The following ENTREP2 variants were observed in gnomAD, a reference collection of about 807,000 sequenced individuals.
ENTREP2 encodes the protein protein ENTREP2.
the ENTREP2 span, among the ~76,000 whole-genome samples, chr15:29,200,066 G>A: frequency 6.6e-6 from 1 of 152,118 alleles, no homozygotes; most frequent in East Asian, 1.9e-4. Context: ...TTGTTCCATT[G>A]ATCTATCTTT....
chr15:29,558,520 C>A, the ENTREP2 span, among the ~76,000 whole-genome samples: 1 of 151,488 alleles, frequency 6.6e-6, no homozygotes, highest in East Asian at 2.0e-4. Flanking sequence ...CATCCCTCCC[C>A]AACCTCCCCT....
the ENTREP2 span, among the ~76,000 whole-genome samples, chr15:29,254,596 T>C: frequency 7.1e-6 from 1 of 141,314 alleles, no homozygotes; most frequent in Non-Finnish European, 1.5e-5. Context: ...CAGTGGCTCA[T>C]GCCTGTAATC....
chr15:29,445,523 A>G, the ENTREP2 span, among the ~76,000 whole-genome samples: 4 of 152,260 alleles, frequency 2.6e-5, no homozygotes, highest in Admixed American at 6.5e-5. Flanking sequence ...AAAACCTAAA[A>G]TAACTGGATT....
chr15:29,647,335 A>G, the ENTREP2 span, among the ~76,000 whole-genome samples: 3 of 152,212 alleles, frequency 2.0e-5, no homozygotes, highest in African/African-American at 7.2e-5. Flanking sequence ...TTCTCAAATC[A>G]AAAGTGTCTC....
the ENTREP2 span, among the ~76,000 whole-genome samples, chr15:29,668,185 G>A: frequency 6.6e-6 from 1 of 152,170 alleles, no homozygotes; most frequent in Non-Finnish European, 1.5e-5. Context: ...ACAGAAGAGG[G>A]AGCAGTTGAT....
the ENTREP2 span, among the ~76,000 whole-genome samples, chr15:29,472,758 C>T: frequency 1.3e-5 from 2 of 152,138 alleles, no homozygotes; most frequent in African/African-American, 4.8e-5. Context: ...AGCCACTGCA[C>T]CCGGCCTATA....
chr15:29,544,793 G>A, the ENTREP2 span, among the ~76,000 whole-genome samples: 1 of 152,110 alleles, frequency 6.6e-6, no homozygotes, highest in Non-Finnish European at 1.5e-5. Flanking sequence ...CGATGTTCAG[G>A]TGCCTCACAG....
At chr15:29,508,527 G>A in the ENTREP2 span, among the ~76,000 whole-genome samples, 1 of 152,130 alleles carries the variant, frequency 6.6e-6, no homozygotes, top group African/African-American at 2.4e-5. Context: ...CAAACCAGCA[G>A]CACATTAAAA....
the ENTREP2 span, among the ~76,000 whole-genome samples, chr15:29,592,543 G>A: frequency 6.2e-4 from 95 of 152,242 alleles, no homozygotes; most frequent in African/African-American, 2.0e-3. Context: ...TGCGGGGGGC[G>A]GAGCCCTCAG....
chr15:29,127,435 C>G, the ENTREP2 span, among the ~76,000 whole-genome samples: 1 of 152,190 alleles, frequency 6.6e-6, no homozygotes, highest in South Asian at 2.1e-4. Flanking sequence ...CTGTTTTTCC[C>G]TGCGTCTGTG....
the ENTREP2 span, among the ~76,000 whole-genome samples, chr15:29,283,181 A>G: frequency 7.2e-5 from 11 of 152,272 alleles, no homozygotes; most frequent in African/African-American, 2.6e-4. Flanking sequence ...GATGAGAGGG[A>G]GCCTGTCCTG....
the ENTREP2 span, among the ~76,000 whole-genome samples, chr15:29,223,850 C>T: frequency 6.6e-6 from 1 of 152,202 alleles, no homozygotes. Context: ...AAAGCAGGCA[C>T]TCTCTGGAGA....
At chr15:29,171,578 C>T in the ENTREP2 span, among the ~76,000 whole-genome samples, 3 of 151,980 alleles carry the variant, frequency 2.0e-5, no homozygotes, top group African/African-American at 7.2e-5. Flanking sequence ...TAGTTTTTTT[C>T]CTTCAAGTTT....
chr15:29,662,384 C>T, the ENTREP2 span, among the ~76,000 whole-genome samples: 1 of 151,970 alleles, frequency 6.6e-6, no homozygotes, highest in Non-Finnish European at 1.5e-5. Flanking sequence ...TCTTATTGTG[C>T]CTGCTTTTAA....
the ENTREP2 span, among the ~76,000 whole-genome samples, chr15:29,433,105 T>C: frequency 6.6e-6 from 1 of 152,276 alleles, no homozygotes; most frequent in Middle Eastern, 3.4e-3. Flanking sequence ...CCAAGGAACC[T>C]GCCTGGGCCA....
chr15:29,650,698 T>A, the ENTREP2 span, among the ~76,000 whole-genome samples: 2 of 152,168 alleles, frequency 1.3e-5, no homozygotes, highest in East Asian at 3.9e-4. Context: ...TTGGTGGTGA[T>A]GTGCGCCTAT....
chr15:29,442,585 C>T, the ENTREP2 span, among the ~76,000 whole-genome samples: 1 of 152,146 alleles, frequency 6.6e-6, no homozygotes, highest in Admixed American at 6.5e-5. Flanking sequence ...CAGGGAAGCC[C>T]CCATCAGGGC....
the ENTREP2 span, among the ~76,000 whole-genome samples, chr15:29,429,440 A>G: frequency 1.3e-5 from 2 of 152,184 alleles, no homozygotes; most frequent in African/African-American, 2.4e-5. Flanking sequence ...GGGCTGGTCT[A>G]GAAATTCTGG....
the ENTREP2 span, among the ~76,000 whole-genome samples, chr15:29,183,379 A>G: frequency 6.6e-6 from 1 of 152,196 alleles, no homozygotes; most frequent in East Asian, 1.9e-4. Flanking sequence ...ATCGCTGTGG[A>G]GTGCGGTGAC....
Sources: allele counts gnomAD v4.1 joint callset (sites outside exome capture counted in the v4.1 genomes callset), GRCh38; gene constraint gnomAD v4.1.1; transcripts MANE v1.5; gene names NCBI Gene and HGNC (gene_info 2026-07-23, HGNC 2026-07-21).